Variants in JAZF1 observed in about 807,000 individuals in gnomAD.
JAZF1 encodes the protein juxtaposed with another zinc finger protein 1.
In JAZF1, 8 loss-of-function variants were observed where a neutral mutation model predicts 26.4. The observed-to-expected ratio is 0.30, with a 90% CI of 0.18 to 0.55. JAZF1 has a LOEUF of 0.55. JAZF1 is among the 20% of genes least tolerant of loss of function. The probability of loss-of-function intolerance (pLI) is 0.94; values close to 1 mark genes in which losing one functional copy is unlikely to be tolerated. For missense variants in JAZF1, 199 were observed against 322.0 expected (o/e 0.62, Z 2.92); for synonymous variants, 126 against 122.3 (o/e 1.03, Z -0.20).
At chr7:27,998,296 T>C (rs1409304874) in intron 1 of JAZF1, among the ~76,000 whole-genome samples, 2 of 152,192 alleles carry the variant, frequency 1.3e-5, no homozygotes, top group East Asian at 1.9e-4. Context: ...CTGGACTCTG[T>C]ATAGATAATC....
chr7:28,026,173 A>T (rs548055387), intron 1 of JAZF1, among the ~76,000 whole-genome samples: 1 of 152,286 alleles, frequency 6.6e-6, no homozygotes, highest in African/African-American at 2.4e-5. Context: ...TCACACCCTC[A>T]TCCTGTTGCT....
At chr7:27,869,649 G>T (rs1042141624) in intron 3 of JAZF1, among the ~76,000 whole-genome samples, 2 of 152,108 alleles carry the variant, frequency 1.3e-5, no homozygotes, top group Non-Finnish European at 2.9e-5. Context: ...CATCCAGGAC[G>T]GGGCAGGCCA....
chr7:27,995,228 T>G (rs75400114), intron 1 of JAZF1, among the ~76,000 whole-genome samples: 4,032 of 152,312 alleles, frequency 0.026, 77 homozygotes, highest in Non-Finnish European at 0.04. Flanking sequence ...AACTAGAACA[T>G]TGGCTACAAT....
intron 3 of JAZF1, among the ~76,000 whole-genome samples, chr7:27,886,583 G>C (rs2128340449): frequency 6.6e-6 from 1 of 152,298 alleles, no homozygotes; most frequent in Non-Finnish European, 1.5e-5. Flanking sequence ...AAACAGCGTA[G>C]AATGACCCCA....
chr7:28,082,061 T>C (rs1451127168), intron 1 of JAZF1, among the ~76,000 whole-genome samples: 1 of 152,224 alleles, frequency 6.6e-6, no homozygotes, highest in Non-Finnish European at 1.5e-5. Context: ...GTTTATTATT[T>C]AAAAGTCCTT....
chr7:28,075,227 C>T (rs1317187468), intron 1 of JAZF1, among the ~76,000 whole-genome samples: 2 of 152,094 alleles, frequency 1.3e-5, no homozygotes, highest in African/African-American at 4.8e-5. Flanking sequence ...CAGCATTTTC[C>T]AAAATGAAGA....
At chr7:28,050,528 T>C (rs1272219551) in intron 1 of JAZF1, among the ~76,000 whole-genome samples, 1 of 152,208 alleles carries the variant, frequency 6.6e-6, no homozygotes, top group Non-Finnish European at 1.5e-5. Flanking sequence ...AAGAATAGTA[T>C]TTTTAAACGT....
At chr7:27,999,751 G>C (rs1421992655) in intron 1 of JAZF1, among the ~76,000 whole-genome samples, 1 of 152,164 alleles carries the variant, frequency 6.6e-6, no homozygotes, top group Non-Finnish European at 1.5e-5. Context: ...ATGAATACAT[G>C]AATGAATGCC....
chr7:28,025,366 A>G (rs1783077601), intron 1 of JAZF1, among the ~76,000 whole-genome samples: 1 of 152,230 alleles, frequency 6.6e-6, no homozygotes, highest in Non-Finnish European at 1.5e-5. Context: ...CCATACAGCA[A>G]CATCGTATCT....
chr7:27,853,591 T>G (rs1457164469), intron 3 of JAZF1, among the ~76,000 whole-genome samples: 1 of 152,208 alleles, frequency 6.6e-6, no homozygotes, highest in Non-Finnish European at 1.5e-5. Flanking sequence ...TACTCATTGG[T>G]TTCAAAGAAA....
intron 2 of JAZF1, among the ~76,000 whole-genome samples, chr7:27,960,740 A>G (rs1785172291): frequency 6.6e-6 from 1 of 152,210 alleles, no homozygotes; most frequent in African/African-American, 2.4e-5. Context: ...CTGGTTTCCC[A>G]AGCCACCCAG....
rs1785486993 is a variant in JAZF1 at position 27,977,119 on chromosome 7, A to ATTGACT, written c.188+14784_188+14789dup. On this transcript the variant is annotated intron_variant, in intron 2 of 4. Coordinates refer to ENST00000283928, the MANE Select transcript of JAZF1 (RefSeq NM_175061.4). The stretch of plus-strand genomic sequence containing the variant: ...CTGGGCTATCTCAGGAAAGATCTCT[A>ATTGACT]TTGACTGCTTTGTTTTGTCTAAGGG... Among the ~76,000 whole-genome samples, 4 of 152,268 alleles carry ATTGACT rather than the reference A, an allele frequency of 2.6e-5. No homozygotes were observed. In the South Asian group the frequency reaches 8.3e-4, roughly 32 times the overall value.
intron 1 of JAZF1, among the ~76,000 whole-genome samples, chr7:28,012,705 G>A (rs1782817939): frequency 1.3e-5 from 2 of 152,154 alleles, no homozygotes; most frequent in East Asian, 1.9e-4. Flanking sequence ...CTTTGGGTGT[G>A]GCCTCAGCTG....
intron 2 of JAZF1, among the ~76,000 whole-genome samples, chr7:27,928,904 A>G (rs961233250): frequency 6.6e-6 from 1 of 152,202 alleles, no homozygotes; most frequent in Non-Finnish European, 1.5e-5. Context: ...TTACCTATGT[A>G]GCAAATCTGC....
chr7:28,007,187 T>TC (rs1350169347), intron 1 of JAZF1, among the ~76,000 whole-genome samples: 1 of 152,178 alleles, frequency 6.6e-6, no homozygotes, highest in African/African-American at 2.4e-5. Flanking sequence ...AGGCATAGAA[T>TC]TATTTCTGGA....
At chr7:28,098,736 T>C (rs1012182650) in intron 1 of JAZF1, among the ~76,000 whole-genome samples, 3 of 152,342 alleles carry the variant, frequency 2.0e-5, no homozygotes, top group Admixed American at 2.0e-4. Context: ...ATTACGATGG[T>C]AATGGTAACC....
rs1056815384 is a variant in JAZF1, at chr7:27,981,806, T to A, written c.188+10103A>T. ...CTTATCCAAGAAATTTCACACCCAC[T>A]GATCATGCCCTGACTCTAGAATTCC... On this transcript the variant is annotated intron_variant, in intron 2 of 4. Coordinates refer to ENST00000283928, the MANE Select transcript of JAZF1 (RefSeq NM_175061.4). Among the ~76,000 whole-genome samples the A allele has an allele frequency of 8.5e-5, 13 of 152,344 alleles. No individual in the cohort carries two copies. The South Asian group carries it at 2.5e-3, about 29-fold the overall frequency.
At chr7:28,179,968 C>T (rs1783613117) in intron 1 of JAZF1, among the ~76,000 whole-genome samples, 1 of 142,210 alleles carries the variant, frequency 7.0e-6, no homozygotes, top group Non-Finnish European at 1.6e-5. Flanking sequence ...CCTGACAGCT[C>T]GAGCCGGGGC....
chr7:27,863,909 A>G (rs1468123872), intron 3 of JAZF1: 1 of 152,212 alleles, frequency 6.6e-6, no homozygotes, highest in East Asian at 1.9e-4. Context: ...TCTCTCTGCC[A>G]GTTTTTGGCA....
Sources: gnomAD v4.1 joint callset for allele counts (sites outside exome capture counted in the v4.1 genomes callset) on GRCh38, gnomAD v4.1.1 for gene constraint, MANE v1.5 for transcripts, NCBI Gene and HGNC (gene_info 2026-07-23, HGNC 2026-07-21) for gene names.